Variants in BTRC observed in about 807,000 individuals in gnomAD.
BTRC encodes beta-transducin repeat containing E3 ubiquitin protein ligase.
A neutral mutation model predicts 85.5 loss-of-function variants in BTRC; 42 were observed. The observed-to-expected ratio is 0.49, with a 90% CI of 0.38 to 0.64. The LOEUF (loss-of-function observed/expected upper bound fraction) is 0.64, where lower values mean the gene tolerates loss of function less well. Ranked by LOEUF, BTRC falls within the 30% of genes least tolerant of loss-of-function variation. The pLI, the probability that BTRC is intolerant of heterozygous loss-of-function variation, is 0.00. For missense variants in BTRC, 594 were observed against 743.5 expected (o/e 0.80, Z 2.34); for synonymous variants, 255 against 263.3 (o/e 0.97, Z 0.30).
chr10:101,451,354 G>A (rs1944950753), intron 2 of BTRC, among the ~76,000 whole-genome samples: 1 of 151,292 alleles, frequency 6.6e-6, no homozygotes, highest in Admixed American at 6.6e-5. Context: ...ATTTTTTTCT[G>A]TTACAGCATT....
intron 14 of BTRC, among the ~76,000 whole-genome samples, chr10:101,551,373 TA>T (rs944467276): frequency 6.6e-6 from 1 of 152,130 alleles, no homozygotes; most frequent in Non-Finnish European, 1.5e-5. Context: ...AAAAGGAATA[TA>T]AAAAGTAGCT....
intron 4 of BTRC, among the ~76,000 whole-genome samples, chr10:101,480,673 A>G (rs1458303227): frequency 1.3e-5 from 2 of 152,190 alleles, no homozygotes; most frequent in Non-Finnish European, 2.9e-5. Flanking sequence ...TAAAACATGC[A>G]GTAGTCTCTG....
chr10:101,523,020 A>G (rs1200229758), intron 5 of BTRC, among the ~76,000 whole-genome samples: 1 of 152,156 alleles, frequency 6.6e-6, no homozygotes. Context: ...CATGACCAAC[A>G]TAGTGAAACC....
chr10:101,461,874 A>C, intron 2 of BTRC, 107 bp from the exon 3 acceptor site: 1 of 771,244 alleles, frequency 1.3e-6, no homozygotes, highest in East Asian at 2.7e-5. Flanking sequence ...AATTGTATAA[A>C]TATATGTATG....
At chr10:101,512,918 G>C (rs2061975226) in intron 4 of BTRC, among the ~76,000 whole-genome samples, 1 of 152,192 alleles carries the variant, frequency 6.6e-6, no homozygotes, top group Non-Finnish European at 1.5e-5. Flanking sequence ...AGCTGAGGCT[G>C]TTTGTCAGCT....
At chr10:101,549,052 CAA>C (rs1319987974) in intron 13 of BTRC, among the ~76,000 whole-genome samples, 5 of 118,080 alleles carry the variant, frequency 4.2e-5, no homozygotes, top group Admixed American at 8.5e-5. Context: ...GACTCTGTCT[CAA>C]AAAAAAAAAA....
intron 13 of BTRC, among the ~76,000 whole-genome samples, chr10:101,540,392 A>G (rs1029606531): frequency 3.3e-5 from 5 of 152,176 alleles, no homozygotes; most frequent in African/African-American, 1.2e-4. Flanking sequence ...GTCCTTTCGA[A>G]ATGCTTTTGC....
chr10:101,415,367 G>T (rs10883644), intron 1 of BTRC, among the ~76,000 whole-genome samples: 54,213 of 150,878 alleles, frequency 0.36, 10,850 homozygotes, highest in Middle Eastern at 0.48. Flanking sequence ...GTAGAGATGG[G>T]GTTTCACCAT....
intron 2 of BTRC, among the ~76,000 whole-genome samples, chr10:101,442,644 T>A (rs1451868313): frequency 6.6e-6 from 1 of 152,032 alleles, no homozygotes; most frequent in Non-Finnish European, 1.5e-5. Flanking sequence ...TGAAAAAAAA[T>A]CGAGTTGGTG....
intron 4 of BTRC, among the ~76,000 whole-genome samples, chr10:101,520,395 A>G (rs2062086685): frequency 6.6e-6 from 1 of 152,126 alleles, no homozygotes; most frequent in Admixed American, 6.6e-5. Context: ...AGTATATGTT[A>G]GTGATGTTAG....
chr10:101,509,068 A>G (rs550002767), intron 4 of BTRC, among the ~76,000 whole-genome samples: 78 of 152,058 alleles, frequency 5.1e-4, no homozygotes, highest in Non-Finnish European at 7.8e-4. Flanking sequence ...TCAGGTGCCA[A>G]TGGGCGCTAG....
intron 8 of BTRC, among the ~76,000 whole-genome samples, chr10:101,532,662 G>T (rs531559870): frequency 6.6e-6 from 1 of 151,856 alleles, no homozygotes; most frequent in South Asian, 2.1e-4. Flanking sequence ...GCACTGAATG[G>T]GCTGTTACTC....
At chr10:101,411,636 TC>T (rs1351156499) in intron 1 of BTRC, among the ~76,000 whole-genome samples, 4 of 152,196 alleles carry the variant, frequency 2.6e-5, no homozygotes, top group African/African-American at 9.6e-5. Flanking sequence ...TTTATTTCAT[TC>T]TTTTTTTATA....
At chr10:101,538,235 C>T in intron 12 of BTRC, 58 bp from the exon 13 acceptor site, 1 of 1,393,398 alleles carries the variant, frequency 7.2e-7, no homozygotes, top group East Asian at 2.3e-5. Context: ...GCTATTCTTC[C>T]CTGCCTTCTC....
Position 101,521,695 on chromosome 10 carries a change from A to G in BTRC, c.381A>G (p.Ser127=). The G allele has an allele frequency of 6.2e-7, 1 of 1,614,220 alleles. No individual in the cohort carries two copies. The highest frequency in any genetic ancestry group is 1.1e-5 in the South Asian group (1 of 91,084). ...TTGTGCCCAAGCAACGGAAACTCTC[A>G]GCAAGCTATGAAAAGGAAAAGGAAC... ...SMIVPKQRKL[S]ASYEKEKELC... Residue 127 remains serine, a synonymous_variant, in exon 5 of 15, where the codon TCA becomes TCG. Transcript: ENST00000370187.
intron 4 of BTRC, among the ~76,000 whole-genome samples, chr10:101,492,570 G>A (rs1946160981): frequency 1.3e-5 from 2 of 152,032 alleles, no homozygotes; most frequent in African/African-American, 4.8e-5. Flanking sequence ...TAAAAAATCT[G>A]TTTCCATGAA....
intron 9 of BTRC, 147 bp from the exon 10 acceptor site, chr10:101,534,514 C>T (rs569602823): frequency 1.9e-5 from 20 of 1,027,644 alleles, no homozygotes; most frequent in East Asian, 2.5e-5. Context: ...CTTAAGGACA[C>T]ACTGGCAGCA....
At chr10:101,476,491 A>T (rs756984165) in intron 3 of BTRC, among the ~76,000 whole-genome samples, 11 of 152,114 alleles carry the variant, frequency 7.2e-5, no homozygotes, top group Non-Finnish European at 1.6e-4. Flanking sequence ...TTTTTTAAAG[A>T]GATGATGTCT....
At chr10:101,516,344 G>A (rs1192495547) in intron 4 of BTRC, among the ~76,000 whole-genome samples, 1 of 152,154 alleles carries the variant, frequency 6.6e-6, no homozygotes, top group South Asian at 2.1e-4. Flanking sequence ...GAAGGATCAA[G>A]TTATTTATTC....
Sources: allele counts gnomAD v4.1 joint callset (sites outside exome capture counted in the v4.1 genomes callset), GRCh38; gene constraint gnomAD v4.1.1; transcripts MANE v1.5; gene names NCBI Gene and HGNC (gene_info 2026-07-23, HGNC 2026-07-21).